ALKBH5: variants seen among roughly 807,000 people sequenced by gnomAD.
ALKBH5 encodes alkB homolog 5, RNA demethylase, also known as RNA demethylase ALKBH5.
Under a neutral mutation model 32.1 loss-of-function variants are expected in ALKBH5, and 2 were observed. The observed-to-expected ratio is 0.06, with a 90% CI of 0.03 to 0.20. The LOEUF (loss-of-function observed/expected upper bound fraction) is 0.20. Ranked by LOEUF, ALKBH5 falls within the 10% of genes least tolerant of loss-of-function variation. The probability of loss-of-function intolerance (pLI) is 1.00; values close to 1 mark genes in which losing one functional copy is unlikely to be tolerated. For synonymous variants in ALKBH5, 300 were observed against 231.7 expected, an observed-to-expected ratio of 1.29 and a Z score of -2.68; for missense variants, 352 against 559.5, an observed-to-expected ratio of 0.63 and a Z score of 3.74.
Position 18,209,594 on chromosome 17 carries a change from G to A in ALKBH5, c.*1198G>A, listed in dbSNP as rs921917216. ...AGATCCTGGAAGGCAGCAAGGTTTT[G>A]TGGATCTAGATTCATTAGGAATGTC... On this transcript the variant is annotated 3_prime_UTR_variant, in exon 4 of 4. Coordinates refer to ENST00000399138, the MANE Select transcript of ALKBH5 (RefSeq NM_017758.4). 6.6e-6 allele frequency: 1 copy of A among 152,238 alleles called. No individual in the cohort carries two copies. The highest frequency in any genetic ancestry group is 1.5e-5 in the Non-Finnish European group (1 of 68,038). The allele number at this position is 152,238 out of a possible 1,614,324, so 9.4% of individuals were successfully genotyped here. A position where few individuals can be genotyped will look rare whatever the true frequency, so the allele number is the denominator to read the frequency against.
At chr17:18,194,925 C>T (rs1567675250) in intron 1 of ALKBH5, 30 bp from the exon 2 acceptor site, 1 of 1,609,838 alleles carries the variant, frequency 6.2e-7, no homozygotes, top group Non-Finnish European at 8.5e-7. Flanking sequence ...GTCTACTCTT[C>T]ATGGTCACAT....
At position 18,208,699 on chromosome 17, in the gene ALKBH5, A is replaced by C; in HGVS notation, c.*303A>C. ...GGTGGAGCAGAGCAGCCATCTTTTA[A>C]GTGGGGCTGTATCAGGCTGGGTTTA... is the stretch of plus-strand genomic sequence containing the variant. On this transcript the variant is annotated 3_prime_UTR_variant, in exon 4 of 4. Coordinates refer to ENST00000399138, the MANE Select transcript of ALKBH5 (RefSeq NM_017758.4). The C allele has an allele frequency of 2.0e-6, 1 of 505,140 alleles. No individual in the cohort carries two copies. Among genetic ancestry groups the C allele is most frequent in the Non-Finnish European group, 3.6e-6 (1 of 277,034 alleles). The allele number at this position is 505,140 out of a possible 1,614,324, so 31.3% of individuals were successfully genotyped here.
chr17:18,198,094 C>T (rs2047214541), intron 2 of ALKBH5, among the ~76,000 whole-genome samples: 2 of 152,190 alleles, frequency 1.3e-5, no homozygotes, highest in South Asian at 2.1e-4. Context: ...TAACCAACTC[C>T]TCAGATAACC....
At position 18,184,918 on chromosome 17, in the gene ALKBH5, G is replaced by C; in HGVS notation, c.675G>C (p.Ala225=). ...IVSVSFFSDS[A]LCFGCKFQFK... ...CCGTGTCCTTCTTTAGCGACTCTGC[G>C]CTGTGCTTCGGCTGCAAGTTCCAGT... Residue 225 remains alanine (A), a synonymous_variant, in exon 1 of 4, where the codon GCG becomes GCC. Transcript: ENST00000399138. The C allele has an allele frequency of 6.2e-7, 1 of 1,614,156 alleles. No homozygotes were observed. Among genetic ancestry groups the C allele is most frequent in the Non-Finnish European group, 8.5e-7 (1 of 1,180,042 alleles).
At chr17:18,199,331 G>A (rs554501972) in intron 2 of ALKBH5, among the ~76,000 whole-genome samples, 15 of 152,326 alleles carry the variant, frequency 9.8e-5, no homozygotes, top group Middle Eastern at 3.4e-3. Context: ...CTTACTGGAG[G>A]TGTGGTTAAA....
intron 3 of ALKBH5, among the ~76,000 whole-genome samples, chr17:18,207,377 G>C (rs1311758126): frequency 6.7e-6 from 1 of 150,048 alleles, no homozygotes; most frequent in Non-Finnish European, 1.5e-5. Context: ...GAAAAAAAAT[G>C]TTTTGGCCGG....
At position 18,209,776 on chromosome 17, in the gene ALKBH5, CAG is replaced by C. The variant is rs1194637032; in HGVS notation, c.*1381_*1382del. The C allele has an allele frequency of 1.3e-5, 2 of 152,762 alleles. No individual in the cohort carries two copies. Among genetic ancestry groups the C allele is most frequent in the South Asian group, 4.1e-4 (2 of 4,830 alleles). 9.5% of individuals were successfully genotyped at this position (152,762 alleles called of 1,614,324 possible). ...GCAGCCACCATCAAGAAGCCCCTCT[CAG>C]GGGCCAGAACTCCTTTGCCAGCGTG... On this transcript the variant is annotated 3_prime_UTR_variant, in exon 4 of 4. Coordinates refer to ENST00000399138, the MANE Select transcript of ALKBH5 (RefSeq NM_017758.4).
intron 2 of ALKBH5, among the ~76,000 whole-genome samples, chr17:18,206,239 C>T (rs2047268252): frequency 6.6e-6 from 1 of 152,208 alleles, no homozygotes; most frequent in Non-Finnish European, 1.5e-5. Context: ...TTTACCTTGT[C>T]AGCATCCTGA....
chr17:18,188,560 T>G (rs2047153683), intron 1 of ALKBH5, among the ~76,000 whole-genome samples: 1 of 152,244 alleles, frequency 6.6e-6, no homozygotes, highest in Non-Finnish European at 1.5e-5. Flanking sequence ...CCACATCTCT[T>G]GTGTGGACTC....
chr17:18,201,865 A>G (rs2047243193), intron 2 of ALKBH5, among the ~76,000 whole-genome samples: 1 of 151,824 alleles, frequency 6.6e-6, no homozygotes, highest in Non-Finnish European at 1.5e-5. Flanking sequence ...GATTGATTTA[A>G]AAAACCAGGT....
chr17:18,197,420 C>G (rs1362228541), intron 2 of ALKBH5, among the ~76,000 whole-genome samples: 3 of 152,246 alleles, frequency 2.0e-5, no homozygotes, highest in African/African-American at 7.2e-5. Context: ...GTACCTCCAA[C>G]TGCAGCCAGG....
At chr17:18,204,690 A>G (rs970772231) in intron 2 of ALKBH5, among the ~76,000 whole-genome samples, 2 of 151,864 alleles carry the variant, frequency 1.3e-5, no homozygotes, top group Admixed American at 6.6e-5. Flanking sequence ...TGAAGTTGCA[A>G]TGAGCCAAGA....
chr17:18,207,917 T>C (rs1196431911), intron 3 of ALKBH5, among the ~76,000 whole-genome samples: 1 of 152,078 alleles, frequency 6.6e-6, no homozygotes, highest in Non-Finnish European at 1.5e-5. Flanking sequence ...GGCAGAACCA[T>C]GCAGAGTCTT....
At chr17:18,198,246 G>A (rs2047215589) in intron 2 of ALKBH5, among the ~76,000 whole-genome samples, 1 of 152,176 alleles carries the variant, frequency 6.6e-6, no homozygotes, top group Admixed American at 6.5e-5. Context: ...GACTGTCACA[G>A]CTCATACGCT....
At chr17:18,185,418 T>C (rs1041519475) in intron 1 of ALKBH5, among the ~76,000 whole-genome samples, 1 of 151,456 alleles carries the variant, frequency 6.6e-6, no homozygotes, top group Admixed American at 6.6e-5. Context: ...TTAATTTATC[T>C]AAAAGTCTTT....
In ALKBH5 at chr17:18,208,284, G is replaced by A. The variant is rs770364449; in HGVS notation, c.1073G>A (p.Arg358Gln). Residue 358 changes from arginine (R) to glutamine (Q), a missense_variant, in exon 4 of 4, where the codon CGG becomes CAG. Transcript: ENST00000399138. ...TCGGTGCTGCTGCCCACACACCGGC[G>A]GAGGGGTAGCTTCAGCTCTGAGAAC... Reference protein sequence around the residue: ...RRSVLLPTHRRRGSFSSENYW... With the variant: ...RRSVLLPTHRQRGSFSSENYW... 3.3e-5 allele frequency: 53 copies of A among 1,614,020 alleles called. No individual in the cohort carries two copies. Among genetic ancestry groups the A allele is most frequent in the Non-Finnish European group, 4.1e-5 (48 of 1,180,016 alleles).
intron 2 of ALKBH5, among the ~76,000 whole-genome samples, chr17:18,204,542 G>T (rs149706647): frequency 6.6e-6 from 1 of 151,874 alleles, no homozygotes; most frequent in East Asian, 1.9e-4. Context: ...TGGGCAGATC[G>T]CTTGAGCCCC....
rs763328324 is a variant in ALKBH5, at chr17:18,184,547, A to G, written c.304A>G (p.Lys102Glu). ...CCTCTTCAGCCAGGACGAGTGCGCCAAGATCGAGGCCCGCATTGACGAGGT... is the reference window on the plus strand; with the variant it reads ...CCTCTTCAGCCAGGACGAGTGCGCCGAGATCGAGGCCCGCATTGACGAGGT... ...MRLFSQDECA[K>E]IEARIDEVVS... Residue 102 changes from lysine (K) to glutamate (E), a missense_variant, in exon 1 of 4, where the codon AAG becomes GAG. Physicochemically the swap from Lys to Glu is moderately conservative, Grantham distance 56 (BLOSUM62 1). Transcript: ENST00000399138. 2.5e-6 allele frequency: 4 copies of G among 1,613,326 alleles called. No individual in the cohort carries two copies. The East Asian group carries it at 8.9e-5, about 36-fold the overall frequency.
rs960080527 is a variant in ALKBH5 at position 18,208,151 on chromosome 17, G to C, written c.1008-68G>C. ...TGACCCATCCCAAGGATGAGACGAGGTACAGCGGTAAAGCCAGGCGCCTCC... is the reference window on the plus strand; with the variant it reads ...TGACCCATCCCAAGGATGAGACGAGCTACAGCGGTAAAGCCAGGCGCCTCC... On this transcript the variant is annotated intron_variant, in intron 3 of 3. Transcript: ENST00000399138. 12 of 1,512,492 alleles carry C rather than the reference G, an allele frequency of 7.9e-6. No individual in the cohort carries two copies. The Admixed American group carries it at 1.0e-4, about 13-fold the overall frequency. 93.7% of individuals were successfully genotyped at this position (1,512,492 alleles called of 1,614,324 possible). A position where few individuals can be genotyped will look rare whatever the true frequency, so the allele number is the denominator to read the frequency against.
Sources: gnomAD v4.1 joint callset for allele counts (sites outside exome capture counted in the v4.1 genomes callset) on GRCh38, gnomAD v4.1.1 for gene constraint, MANE v1.5 for transcripts, NCBI Gene and HGNC (gene_info 2026-07-23, HGNC 2026-07-21) for gene names.